Variants in GSE1 observed in about 807,000 individuals in gnomAD.
GSE1 encodes genetic suppressor element 1.
In GSE1, 32 loss-of-function variants were observed where a neutral mutation model predicts 112.6. The ratio of observed to expected loss-of-function variants is 0.28; its 90% confidence interval spans 0.21 to 0.38. GSE1 has a LOEUF of 0.38. GSE1 is among the 10% of genes least tolerant of loss of function. The pLI is 1.00. For synonymous variants in GSE1, 1,115 were observed against 735.6 expected (o/e 1.52, Z -8.35); for missense variants, 2,348 against 1,699.2 (o/e 1.38, Z -6.71).
At chr16:85,598,418 G>A (rs886593289) in intron 1 of GSE1, among the ~76,000 whole-genome samples, 6 of 152,132 alleles carry the variant, frequency 3.9e-5, no homozygotes, top group Non-Finnish European at 7.3e-5. Context: ...TCCCAGAGCC[G>A]CGTGTCTGGC....
chr16:85,588,121 GCTTCA>G (rs2046794855), intron 1 of GSE1, among the ~76,000 whole-genome samples: 1 of 152,202 alleles, frequency 6.6e-6, no homozygotes, highest in African/African-American at 2.4e-5. Context: ...GTCCTTGCCA[GCTTCA>G]CTTCACTGGG....
At chr16:85,214,063 C>T (rs1024483583) in intron 1 of GSE1, among the ~76,000 whole-genome samples, 2 of 152,206 alleles carry the variant, frequency 1.3e-5, no homozygotes, top group Non-Finnish European at 2.9e-5. Flanking sequence ...ACATAATATC[C>T]CATAATAGGG....
At chr16:85,659,769 A>G (rs1301561493) in intron 8 of GSE1, 1 of 152,274 alleles carries the variant, frequency 6.6e-6, no homozygotes, top group Non-Finnish European at 1.5e-5. Context: ...ATTTAGTGTA[A>G]CTAAGGGGCA....
intron 1 of GSE1, among the ~76,000 whole-genome samples, chr16:85,239,752 C>T (rs1405714871): frequency 6.6e-6 from 1 of 152,232 alleles, no homozygotes; most frequent in African/African-American, 2.4e-5. Flanking sequence ...CCCACCGGGG[C>T]TGTGATTCTG....
At chr16:85,483,690 G>C (rs902281948) in intron 2 of GSE1, among the ~76,000 whole-genome samples, 5 of 152,290 alleles carry the variant, frequency 3.3e-5, no homozygotes, top group Admixed American at 2.6e-4. Flanking sequence ...GCTGGCAAAA[G>C]CGTTTGCTTA....
intron 1 of GSE1, among the ~76,000 whole-genome samples, chr16:85,181,550 AAGGCTCTCAGTTCCGG>A (rs1365637228): frequency 1.3e-5 from 2 of 152,212 alleles, no homozygotes; most frequent in Non-Finnish European, 2.9e-5. Flanking sequence ...AGCTTTCAGA[AAGGCTCTCAGTTCCGG>A]AGGGAGAGGG....
intron 1 of GSE1, among the ~76,000 whole-genome samples, chr16:85,561,320 G>A (rs557219790): frequency 3.7e-4 from 57 of 152,138 alleles, no homozygotes; most frequent in Non-Finnish European, 7.6e-4. Context: ...GGAGCAGGGC[G>A]CCGATCCTGG....
exon 1 of GSE1, chr16:85,170,248 G>T: frequency 2.0e-6 from 2 of 985,600 alleles, no homozygotes; most frequent in Non-Finnish European, 2.4e-6. Context: ...CCCCGCGAAG[G>T]CCCACGCGGA....
intron 1 of GSE1, among the ~76,000 whole-genome samples, chr16:85,238,508 C>G (rs185894079): frequency 2.6e-5 from 4 of 152,096 alleles, no homozygotes; most frequent in African/African-American, 9.7e-5. Context: ...CTGGCCTCGG[C>G]GTGTGTCCTG....
At position 85,648,676 on chromosome 16, in the gene GSE1, G is replaced by A. The variant is rs779669057; in HGVS notation, c.351G>A (p.Val117=). 4.4e-6 allele frequency: 7 copies of A among 1,606,914 alleles called. No homozygotes were observed. The highest frequency in any genetic ancestry group is 2.2e-5 in the East Asian group (1 of 44,568). ...TCGTCCCCCCTGGGGGCCACAGCGT[G>A]CCCAGCACCCCCCCCGTGGTGACCA... ...PIIVPPGGHS[V]PSTPPVVTIA... is the part of the protein sequence containing the mutation. The change falls in exon 3 of 16, where the codon GTG becomes GTA. Residue 117 remains valine, a synonymous_variant. Coordinates refer to ENST00000253458, the MANE Select transcript of GSE1 (RefSeq NM_014615.5).
At chr16:85,627,645 G>A (rs1253358991) in intron 1 of GSE1, among the ~76,000 whole-genome samples, 1 of 152,164 alleles carries the variant, frequency 6.6e-6, no homozygotes, top group Non-Finnish European at 1.5e-5. Flanking sequence ...TGTCAAGAGA[G>A]CTTGTACAGT....
intron 1 of GSE1, among the ~76,000 whole-genome samples, chr16:85,628,024 G>A (rs1302734760): frequency 6.6e-6 from 1 of 152,176 alleles, no homozygotes; most frequent in Non-Finnish European, 1.5e-5. Flanking sequence ...ATCCCCACCA[G>A]GCCTGGAGGG....
intron 3 of GSE1, among the ~76,000 whole-genome samples, chr16:85,650,449 T>G (rs1598582258): frequency 6.6e-6 from 1 of 152,152 alleles, no homozygotes; most frequent in African/African-American, 2.4e-5. Flanking sequence ...GCCAGGACCC[T>G]GCACCCAGCC....
chr16:85,401,229 A>T (rs891107730), intron 2 of GSE1, among the ~76,000 whole-genome samples: 23 of 152,154 alleles, frequency 1.5e-4, no homozygotes, highest in Non-Finnish European at 2.9e-4. Flanking sequence ...CTGATTTCAC[A>T]TTATTCTCCC....
At chr16:85,441,548 A>G (rs912572163) in intron 2 of GSE1, among the ~76,000 whole-genome samples, 1 of 152,204 alleles carries the variant, frequency 6.6e-6, no homozygotes, top group African/African-American at 2.4e-5. Flanking sequence ...CCAGCTACTC[A>G]GGAGGCTGAA....
chr16:85,650,371 T>C (rs1247799633), intron 3 of GSE1, among the ~76,000 whole-genome samples: 2 of 152,140 alleles, frequency 1.3e-5, no homozygotes, highest in African/African-American at 4.8e-5. Flanking sequence ...GCCTGGCTGC[T>C]GGTGCCAGCG....
chr16:85,246,096 A>C (rs1385407534), intron 1 of GSE1, among the ~76,000 whole-genome samples: 1 of 151,268 alleles, frequency 6.6e-6, no homozygotes, highest in Non-Finnish European at 1.5e-5. Context: ...GAGTTGCAGG[A>C]AACCTGAGAC....
chr16:85,309,103 C>G (rs1597358475), intron 1 of GSE1, among the ~76,000 whole-genome samples: 1 of 151,672 alleles, frequency 6.6e-6, no homozygotes, highest in Non-Finnish European at 1.5e-5. Flanking sequence ...AGCTGCTGGT[C>G]TCAGCCGGTT....
At chr16:85,499,377 C>A (rs896077041) in intron 2 of GSE1, among the ~76,000 whole-genome samples, 1 of 129,760 alleles carries the variant, frequency 7.7e-6, no homozygotes, top group South Asian at 2.6e-4. Context: ...GTGGCGTGAT[C>A]TCGGCTCACT....
Sources: allele counts gnomAD v4.1 joint callset (sites outside exome capture counted in the v4.1 genomes callset), GRCh38; gene constraint gnomAD v4.1.1; transcripts MANE v1.5; gene names NCBI Gene and HGNC (gene_info 2026-07-23, HGNC 2026-07-21).